The following MEF2A variants were observed in gnomAD, a reference collection of about 807,000 sequenced individuals.
MEF2A encodes myocyte enhancer factor 2A.
Under a neutral mutation model 55.8 loss-of-function variants are expected in MEF2A, and 28 were observed. The observed-to-expected ratio is 0.50, with a 90% confidence interval of 0.37 to 0.69. MEF2A has a LOEUF of 0.69. Ranked by LOEUF, MEF2A falls within the 30% of genes least tolerant of loss-of-function variation. The pLI is 0.00. For synonymous variants in MEF2A, 239 were observed against 227.1 expected (o/e 1.05, Z -0.47); for missense variants, 528 against 626.2 (o/e 0.84, Z 1.67).
chr15:99,707,197 A>G (rs1374328777), intron 10 of MEF2A, among the ~76,000 whole-genome samples: 19 of 152,222 alleles, frequency 1.2e-4, no homozygotes, highest in Admixed American at 1.2e-3. Flanking sequence ...TTCTCTTCAT[A>G]CAGTATCACG....
intron 11 of MEF2A, among the ~76,000 whole-genome samples, chr15:99,711,019 C>T (rs2058582415): frequency 6.6e-6 from 1 of 152,192 alleles, no homozygotes; most frequent in South Asian, 2.1e-4. Flanking sequence ...GGTAGAGAGA[C>T]TCAACCAGGA....
intron 1 of MEF2A, among the ~76,000 whole-genome samples, chr15:99,576,237 C>A (rs1211656898): frequency 1.3e-5 from 2 of 152,132 alleles, no homozygotes; most frequent in African/African-American, 4.8e-5. Context: ...TGTAATTTAT[C>A]TTTATAGTCC....
intron 10 of MEF2A, among the ~76,000 whole-genome samples, chr15:99,710,323 G>A (rs1451471842): frequency 1.3e-5 from 2 of 152,092 alleles, no homozygotes; most frequent in African/African-American, 2.4e-5. Flanking sequence ...GCTCACTGCA[G>A]CCTCTGCCTC....
chr15:99,633,212 T>A, intron 3 of MEF2A, 39 bp downstream of exon 3: 1 of 1,399,594 alleles, frequency 7.1e-7, no homozygotes, highest in Non-Finnish European at 9.6e-7. Context: ...GATATGAATA[T>A]TCTTTTAAAA....
chr15:99,580,097 A>C (rs755682303), intron 1 of MEF2A, among the ~76,000 whole-genome samples: 4 of 152,058 alleles, frequency 2.6e-5, no homozygotes, highest in Non-Finnish European at 4.4e-5. Context: ...ATTTCTGATG[A>C]TCTTTCCAGA....
At chr15:99,646,881 A>AT (rs2046050734) in intron 4 of MEF2A, among the ~76,000 whole-genome samples, 2 of 151,998 alleles carry the variant, frequency 1.3e-5, no homozygotes, top group Admixed American at 1.3e-4. Context: ...CTTTTTAGTC[A>AT]TTTTTTCAAA....
At position 99,673,276 on chromosome 15, in the gene MEF2A, C is replaced by A. The variant is rs562006107; in HGVS notation, c.391-1117C>A. Among the ~76,000 whole-genome samples, 73 of 152,208 alleles carry A rather than the reference C, an allele frequency of 4.8e-4. 1 individual carries two copies. The South Asian group carries it at 0.014, about 30-fold the overall frequency. ...CTTTTGGGCAAATACCATTATTATT[C>A]TTAAAAACAATACAGTAGCAAATAA... On this transcript the variant is annotated intron_variant, in intron 5 of 11. Transcript: ENST00000557942.
At chr15:99,587,230 C>G (rs1596305231) in intron 1 of MEF2A, among the ~76,000 whole-genome samples, 1 of 151,990 alleles carries the variant, frequency 6.6e-6, no homozygotes, top group African/African-American at 2.4e-5. Context: ...ATGACAGGCC[C>G]CGGTGTGTGA....
At chr15:99,692,325 G>A (rs998224152) in intron 8 of MEF2A, among the ~76,000 whole-genome samples, 1 of 152,136 alleles carries the variant, frequency 6.6e-6, no homozygotes, top group Non-Finnish European at 1.5e-5. Context: ...CAAAAAACAA[G>A]TACTTTTTTA....
intron 2 of MEF2A, among the ~76,000 whole-genome samples, chr15:99,623,399 T>A (rs2041557866): frequency 6.6e-6 from 1 of 152,226 alleles, no homozygotes. Context: ...TGCTTTAAGT[T>A]TTTTTGATTA....
intron 4 of MEF2A, among the ~76,000 whole-genome samples, chr15:99,654,341 A>G (rs1424088487): frequency 6.6e-6 from 1 of 152,076 alleles, no homozygotes; most frequent in Non-Finnish European, 1.5e-5. Flanking sequence ...GTACTGGGTT[A>G]CTAAGCTCAA....
At chr15:99,637,410 T>C (rs1355810523) in intron 3 of MEF2A, among the ~76,000 whole-genome samples, 1 of 152,210 alleles carries the variant, frequency 6.6e-6, no homozygotes, top group Non-Finnish European at 1.5e-5. Context: ...TTAGTAGATA[T>C]TTGATTTTCT....
At chr15:99,653,349 A>G (rs547519808) in intron 4 of MEF2A, among the ~76,000 whole-genome samples, 2 of 152,320 alleles carry the variant, frequency 1.3e-5, no homozygotes, top group South Asian at 4.1e-4. Flanking sequence ...CTCTGTTCTC[A>G]GAGAGAGACT....
At chr15:99,665,630 C>T (rs11247120) in intron 4 of MEF2A, among the ~76,000 whole-genome samples, 62,733 of 148,908 alleles carry the variant, frequency 0.42, 14,781 homozygotes, top group Middle Eastern at 0.62. Flanking sequence ...GAAACTTTAT[C>T]ATCAGAATGA....
chr15:99,631,291 A>G (rs112488962), intron 2 of MEF2A, among the ~76,000 whole-genome samples: 49 of 152,344 alleles, frequency 3.2e-4, no homozygotes, highest in African/African-American at 1.1e-3. Context: ...CTACTACAGT[A>G]CAAGTGTTTA....
intron 3 of MEF2A, among the ~76,000 whole-genome samples, chr15:99,642,449 A>G (rs1027680181): frequency 2.0e-5 from 3 of 152,136 alleles, no homozygotes; most frequent in Admixed American, 1.3e-4. Flanking sequence ...CAACAATACA[A>G]ACAACTTTTT....
chr15:99,599,066 G>A (rs2153049743), intron 2 of MEF2A, among the ~76,000 whole-genome samples: 1 of 152,212 alleles, frequency 6.6e-6, no homozygotes, highest in Middle Eastern at 3.4e-3. Context: ...CTCAGGAGGA[G>A]ACTATTTTGA....
intron 7 of MEF2A, among the ~76,000 whole-genome samples, chr15:99,677,139 T>TA (rs2052276066): frequency 7.1e-6 from 1 of 141,554 alleles, no homozygotes; most frequent in African/African-American, 2.5e-5. Flanking sequence ...AATAAATAAA[T>TA]AAATAAATAA....
chr15:99,652,455 G>T (rs2153521406), intron 4 of MEF2A, among the ~76,000 whole-genome samples: 1 of 152,286 alleles, frequency 6.6e-6, no homozygotes, highest in Non-Finnish European at 1.5e-5. Flanking sequence ...GGCCCCGGGG[G>T]TTAGGGACCC....
Sources: allele counts gnomAD v4.1 joint callset (sites outside exome capture counted in the v4.1 genomes callset), GRCh38; gene constraint gnomAD v4.1.1; transcripts MANE v1.5; gene names NCBI Gene and HGNC (gene_info 2026-07-23, HGNC 2026-07-21).